The following TGFB2 variants were observed in gnomAD, a reference collection of about 807,000 sequenced individuals.
TGFB2 encodes the protein transforming growth factor beta 2.
In TGFB2, 13 loss-of-function variants were observed where a neutral mutation model predicts 42.7. That is an observed-to-expected ratio of 0.30 (90% confidence interval 0.20 to 0.48). TGFB2 has a LOEUF of 0.48. TGFB2 is among the 20% of genes least tolerant of loss of function. TGFB2 has a pLI of 0.99. For missense variants in TGFB2, 390 were observed against 517.5 expected (o/e 0.75, Z 2.39); for synonymous variants, 193 against 193.6 (o/e 1.00, Z 0.03).
At chr1:218,435,399 G>A (rs1051585954) in intron 4 of TGFB2, among the ~76,000 whole-genome samples, 4 of 152,198 alleles carry the variant, frequency 2.6e-5, no homozygotes, top group African/African-American at 9.7e-5. Flanking sequence ...TCAGGAAAGT[G>A]TTGAGGATGC....
chr1:218,437,521 C>T, intron 6 of TGFB2, 25 bp downstream of exon 6: 1 of 1,595,890 alleles, frequency 6.3e-7, no homozygotes, highest in South Asian at 1.2e-5. Context: ...TACCTGTTGC[C>T]TCTGTTCTTG....
chr1:218,368,096 CG>C (rs2102551017), intron 1 of TGFB2, among the ~76,000 whole-genome samples: 1 of 152,098 alleles, frequency 6.6e-6, no homozygotes, highest in South Asian at 2.1e-4. Context: ...CCACCGTGCC[CG>C]GCTGAAGAGA....
chr1:218,377,074 AT>A (rs571821781), intron 1 of TGFB2, among the ~76,000 whole-genome samples: 130 of 151,714 alleles, frequency 8.6e-4, no homozygotes, highest in African/African-American at 3.0e-3. Context: ...AAAAAAAAAA[AT>A]TTTTATAGAG....
intron 2 of TGFB2, among the ~76,000 whole-genome samples, chr1:218,432,590 A>C (rs528250187): frequency 6.6e-6 from 1 of 152,242 alleles, no homozygotes; most frequent in Non-Finnish European, 1.5e-5. Context: ...ACATTTTCAG[A>C]TGAGTGGAAA....
chr1:218,386,420 G>A (rs774507071), intron 1 of TGFB2, among the ~76,000 whole-genome samples: 9 of 152,200 alleles, frequency 5.9e-5, no homozygotes, highest in Non-Finnish European at 1.3e-4. Context: ...CCCTTTGTAA[G>A]TTGTTTTCAA....
chr1:218,354,099 T>C (rs1406461689), intron 1 of TGFB2, among the ~76,000 whole-genome samples: 1 of 152,228 alleles, frequency 6.6e-6, no homozygotes, highest in Non-Finnish European at 1.5e-5. Context: ...GTTTGTAGAC[T>C]GCCCCAGGAA....
In TGFB2 at chr1:218,356,268, A is replaced by C. The variant is rs1441207610; in HGVS notation, c.346+9221A>C. On this transcript the variant is annotated intron_variant, in intron 1 of 6. Transcript: ENST00000366930. ...AGTCTCACTCTGTTGCCCAGGCTGG[A>C]GTAAGTGGCACAGACATGGCTCACT... Among the ~76,000 whole-genome samples the C allele has an allele frequency of 2.6e-5, 4 of 151,480 alleles. No individual in the cohort carries two copies. In the East Asian group the frequency reaches 7.7e-4, roughly 29 times the overall value.
chr1:218,374,879 A>G (rs1359858651), intron 1 of TGFB2, among the ~76,000 whole-genome samples: 3 of 152,226 alleles, frequency 2.0e-5, no homozygotes, highest in Non-Finnish European at 2.9e-5. Flanking sequence ...GTCTGTAGCC[A>G]GACAGCACAA....
intron 1 of TGFB2, among the ~76,000 whole-genome samples, chr1:218,356,186 T>A (rs753093177): frequency 2.6e-5 from 4 of 152,328 alleles, no homozygotes; most frequent in Non-Finnish European, 5.9e-5. Context: ...TCTCAAGATT[T>A]ACCATTTGTT....
At position 218,444,528 on chromosome 1, in the gene TGFB2, T is replaced by G. The variant is rs1444089903; in HGVS notation, c.*3166T>G. On this transcript the variant is annotated 3_prime_UTR_variant, in exon 7 of 7. Transcript: ENST00000366930. ...AAAAACCCACCCTATTTCCTCCAAT[T>G]TTTTTGGCTGCTACCTACAAGACCA... 4 of 152,164 alleles carry G rather than the reference T, an allele frequency of 2.6e-5. No homozygotes were observed. Among genetic ancestry groups the G allele is most frequent in the Non-Finnish European group, 5.9e-5 (4 of 68,016 alleles). 9.4% of individuals were successfully genotyped at this position (152,164 alleles called of 1,614,324 possible).
intron 1 of TGFB2, among the ~76,000 whole-genome samples, chr1:218,381,507 G>A (rs1657961542): frequency 1.3e-5 from 2 of 152,066 alleles, no homozygotes; most frequent in African/African-American, 4.8e-5. Context: ...ACCCGCCTCG[G>A]CCTCCCAAAG....
chr1:218,430,414 A>G (rs1022525748), intron 2 of TGFB2, among the ~76,000 whole-genome samples: 2 of 152,128 alleles, frequency 1.3e-5, no homozygotes, highest in Non-Finnish European at 2.9e-5. Context: ...AAAAGTATAA[A>G]GAAATTTAGA....
intron 2 of TGFB2, among the ~76,000 whole-genome samples, chr1:218,411,795 G>T (rs1659105685): frequency 6.6e-6 from 1 of 150,416 alleles, no homozygotes; most frequent in African/African-American, 2.5e-5. Flanking sequence ...AACCCGGGAG[G>T]TGGAGGTTGC....
intron 2 of TGFB2, among the ~76,000 whole-genome samples, chr1:218,423,757 G>A (rs1242945040): frequency 6.6e-6 from 1 of 152,170 alleles, no homozygotes; most frequent in East Asian, 1.9e-4. Flanking sequence ...GAAAGTTTTT[G>A]ACAAGGTAGG....
Position 218,392,967 on chromosome 1 carries a change from A to G in TGFB2, c.347-12202A>G, listed in dbSNP as rs1658366519. 2.0e-5 allele frequency among the ~76,000 whole-genome samples: 3 copies of G among 152,258 alleles called. No homozygotes were observed. The South Asian group carries it at 6.2e-4, about 31-fold the overall frequency. On this transcript the variant is annotated intron_variant, in intron 1 of 6. Coordinates refer to ENST00000366930, the MANE Select transcript of TGFB2 (RefSeq NM_003238.6). ...CACAGTGCCTCAAAGTAATTAGGCA[A>G]TTCCCTTACAGAAAAATTAGCCCAC...
intron 1 of TGFB2, among the ~76,000 whole-genome samples, chr1:218,396,583 T>C (rs1658520369): frequency 6.6e-6 from 1 of 152,052 alleles, no homozygotes; most frequent in Admixed American, 6.6e-5. Context: ...AAATTATTTT[T>C]ATATTGAGTC....
intron 1 of TGFB2, among the ~76,000 whole-genome samples, chr1:218,400,961 C>T (rs1385818748): frequency 6.6e-6 from 1 of 152,102 alleles, no homozygotes; most frequent in Non-Finnish European, 1.5e-5. Context: ...GCTGAGGTCC[C>T]CAGCCCTCTG....
At chr1:218,437,857 A>T (rs927359745) in intron 6 of TGFB2, among the ~76,000 whole-genome samples, 1 of 152,122 alleles carries the variant, frequency 6.6e-6, no homozygotes, top group African/African-American at 2.4e-5. Context: ...ATTTTTATTG[A>T]TACATAATTG....
chr1:218,359,763 G>A (rs1392074756), intron 1 of TGFB2, among the ~76,000 whole-genome samples: 1 of 152,160 alleles, frequency 6.6e-6, no homozygotes, highest in African/African-American at 2.4e-5. Flanking sequence ...GAGATGCATT[G>A]TTTGTTTGTG....
Sources: gnomAD v4.1 joint callset for allele counts (sites outside exome capture counted in the v4.1 genomes callset) on GRCh38, gnomAD v4.1.1 for gene constraint, MANE v1.5 for transcripts, NCBI Gene and HGNC (gene_info 2026-07-23, HGNC 2026-07-21) for gene names.